DCUN1D4: variants seen among roughly 807,000 people sequenced by gnomAD.
The protein encoded by DCUN1D4 is defective in cullin neddylation 1 domain containing 4.
DCUN1D4 carries 22 observed loss-of-function variants against 47.9 expected under a neutral mutation model. That is an observed-to-expected ratio of 0.46 (90% CI 0.33 to 0.66). The LOEUF (loss-of-function observed/expected upper bound fraction) is 0.66, where lower values mean the gene tolerates loss of function less well. Among genes scored for constraint, DCUN1D4 ranks in the 30% least tolerant of loss-of-function variants. The probability of loss-of-function intolerance (pLI) is 0.02; values close to 1 mark genes in which losing one functional copy is unlikely to be tolerated. For missense variants in DCUN1D4, 301 were observed against 340.8 expected (o/e 0.88, Z 0.92); for synonymous variants, 121 against 112.2 (o/e 1.08, Z -0.50).
intron 6 of DCUN1D4, chr4:51,887,136 C>T (rs1729619015): frequency 4.4e-6 from 2 of 452,842 alleles, no homozygotes; most frequent in South Asian, 3.1e-5. Flanking sequence ...GAGTCTCGCA[C>T]TGTCGCCAGG....
the DCUN1D4 span, among the ~76,000 whole-genome samples, chr4:51,834,088 T>TC: frequency 1.6e-5 from 2 of 127,372 alleles, no homozygotes; most frequent in Non-Finnish European, 3.2e-5. Context: ...CTCTCTCTCT[T>TC]TTCTTTTCTT....
At chr4:51,888,166 G>T (rs1729815479) in intron 6 of DCUN1D4, among the ~76,000 whole-genome samples, 2 of 152,134 alleles carry the variant, frequency 1.3e-5, no homozygotes, top group Non-Finnish European at 2.9e-5. Context: ...TCCACATGGG[G>T]TACCGTAGTA....
intron 8 of DCUN1D4, among the ~76,000 whole-genome samples, chr4:51,904,477 A>G (rs1238862530): frequency 2.0e-5 from 3 of 152,220 alleles, no homozygotes; most frequent in Non-Finnish European, 4.4e-5. Context: ...ATTTGGCTGC[A>G]TAAATTATAG....
rs538067598 is a variant in DCUN1D4, at chr4:51,853,541, T to C, written c.26-9896T>C. Among the ~76,000 whole-genome samples, 93 of 152,308 alleles carry C rather than the reference T, an allele frequency of 6.1e-4. 2 individuals carry two copies. Among genetic ancestry groups the C allele is most frequent in the Admixed American group, 5.4e-3 (82 of 15,292 alleles). On this transcript the variant is annotated intron_variant, in intron 1 of 10. Coordinates refer to ENST00000334635, the MANE Select transcript of DCUN1D4 (RefSeq NM_001040402.3). ...TTCCTGTCTAGCAGTGCTGAGGTTG[T>C]TCCAGGAGTGGATTGGCTACTGGCA...
chr4:51,840,893 G>A (rs1473143589), upstream of DCUN1D4, among the ~76,000 whole-genome samples: 1 of 152,188 alleles, frequency 6.6e-6, no homozygotes, highest in African/African-American at 2.4e-5. Flanking sequence ...TCTTTATAAA[G>A]ATCTGGGTAA....
At chr4:51,859,318 G>T (rs912042407) in intron 1 of DCUN1D4, among the ~76,000 whole-genome samples, 2 of 151,918 alleles carry the variant, frequency 1.3e-5, no homozygotes, top group Non-Finnish European at 2.9e-5. Flanking sequence ...GCTTTTTGTT[G>T]CCATTATAAT....
At chr4:51,854,064 C>T (rs972625982) in intron 1 of DCUN1D4, among the ~76,000 whole-genome samples, 1 of 152,134 alleles carries the variant, frequency 6.6e-6, no homozygotes. Flanking sequence ...TGAAACTGAC[C>T]CATAAACCTA....
chr4:51,900,958 C>A (rs1266477101), intron 8 of DCUN1D4, among the ~76,000 whole-genome samples: 1 of 152,160 alleles, frequency 6.6e-6, no homozygotes, highest in East Asian at 1.9e-4. Flanking sequence ...GGCTAACGTC[C>A]TGTTCTGGGG....
intron 1 of DCUN1D4, among the ~76,000 whole-genome samples, chr4:51,862,632 C>T (rs934129146): frequency 6.6e-6 from 1 of 152,052 alleles, no homozygotes; most frequent in Non-Finnish European, 1.5e-5. Flanking sequence ...TGTGAAAATA[C>T]TTCCAGTGGT....
intron 7 of DCUN1D4, among the ~76,000 whole-genome samples, chr4:51,893,031 T>C (rs1453064340): frequency 1.3e-5 from 2 of 152,226 alleles, no homozygotes; most frequent in East Asian, 1.9e-4. Context: ...TATTCTCCCA[T>C]TTGAATGCCT....
intron 1 of DCUN1D4, among the ~76,000 whole-genome samples, chr4:51,855,786 G>T (rs1407197032): frequency 6.6e-6 from 1 of 152,194 alleles, no homozygotes; most frequent in Non-Finnish European, 1.5e-5. Flanking sequence ...TCCTTTGTGG[G>T]TTGGAATGGG....
At chr4:51,863,975 T>A (rs1011256614) in intron 3 of DCUN1D4, among the ~76,000 whole-genome samples, 1 of 152,240 alleles carries the variant, frequency 6.6e-6, no homozygotes, top group East Asian at 1.9e-4. Flanking sequence ...TCTACTGCAG[T>A]ATTTTCATTT....
chr4:51,851,177 T>G (rs1312888161), intron 1 of DCUN1D4, among the ~76,000 whole-genome samples: 5 of 152,188 alleles, frequency 3.3e-5, no homozygotes, highest in Non-Finnish European at 5.9e-5. Flanking sequence ...AGGGGATTTT[T>G]GCTGCCAGGT....
chr4:51,878,666 C>G (rs988860051), intron 5 of DCUN1D4, among the ~76,000 whole-genome samples: 4 of 152,196 alleles, frequency 2.6e-5, no homozygotes, highest in African/African-American at 9.7e-5. Flanking sequence ...AGAATCCCTG[C>G]TATCTGCAGG....
intron 3 of DCUN1D4, among the ~76,000 whole-genome samples, chr4:51,870,822 A>G (rs534395602): frequency 6.6e-6 from 1 of 152,252 alleles, no homozygotes; most frequent in South Asian, 2.1e-4. Flanking sequence ...TATTTAGTTC[A>G]TGTTGGCAAA....
At chr4:51,896,839 A>C (rs190689410) in intron 7 of DCUN1D4, among the ~76,000 whole-genome samples, 1 of 152,280 alleles carries the variant, frequency 6.6e-6, no homozygotes, top group African/African-American at 2.4e-5. Context: ...TCTTTCTCAT[A>C]GTGGCAGGTG....
At chr4:51,870,302 A>C (rs1452478648) in intron 3 of DCUN1D4, among the ~76,000 whole-genome samples, 1 of 152,172 alleles carries the variant, frequency 6.6e-6, no homozygotes, top group Non-Finnish European at 1.5e-5. Context: ...AAATTTGTAG[A>C]AATTATTTAT....
chr4:51,887,181 A>C (rs1343721097), intron 6 of DCUN1D4: 1 of 438,856 alleles, frequency 2.3e-6, no homozygotes, highest in Non-Finnish European at 4.6e-6. Context: ...GCTCACTGCA[A>C]CCTCTGCCTC....
chr4:51,842,528 C>G (rs1351388595), upstream of DCUN1D4, among the ~76,000 whole-genome samples: 1 of 152,212 alleles, frequency 6.6e-6, no homozygotes, highest in Non-Finnish European at 1.5e-5. Context: ...AGAAGGTTTG[C>G]TGGAAATTAA....
Sources: gnomAD v4.1 joint callset for allele counts (sites outside exome capture counted in the v4.1 genomes callset) on GRCh38, gnomAD v4.1.1 for gene constraint, MANE v1.5 for transcripts, NCBI Gene and HGNC (gene_info 2026-07-23, HGNC 2026-07-21) for gene names.